The following ARHGEF38 variants were observed in gnomAD, a reference collection of about 807,000 sequenced individuals.
ARHGEF38 encodes the protein Rho guanine nucleotide exchange factor 38, also known as Rho guanine nucleotide exchange factor (GEF) 38.
ARHGEF38 carries 79 observed loss-of-function variants against 79.9 expected under a neutral mutation model. The observed-to-expected ratio is 0.99, with a 90% CI of 0.82 to 1.19. The LOEUF (loss-of-function observed/expected upper bound fraction) is 1.19, where lower values mean the gene tolerates loss of function less well. Ranked by LOEUF, ARHGEF38 falls within the 50% of genes most tolerant of loss-of-function variation. The pLI, the probability that ARHGEF38 is intolerant of heterozygous loss-of-function variation, is 0.00. For synonymous variants in ARHGEF38, 366 were observed against 328.3 expected (o/e 1.11, Z -1.24); for missense variants, 962 against 907.2 (o/e 1.06, Z -0.78).
At chr4:105,561,780 G>C (rs1282932358) in intron 1 of ARHGEF38, 13 of 152,112 alleles carry the variant, frequency 8.5e-5, no homozygotes, top group Non-Finnish European at 1.9e-4. Flanking sequence ...TGTGTCGTAG[G>C]AGGCTTTGTA....
Position 105,625,203 on chromosome 4 carries a change from C to T in ARHGEF38, c.509-5695C>T, listed in dbSNP as rs17035993. Among the ~76,000 whole-genome samples, 895 of 152,242 alleles carry T rather than the reference C, an allele frequency of 5.9e-3. 9 individuals are homozygous for T. Among genetic ancestry groups the T allele is most frequent in the African/African-American group, 0.021 (866 of 41,550 alleles). Reference sequence around the variant, plus strand: ...ACATCCAACTTTATATCCTCCATAACTAACAGTTCATGTCATATTTTCATA... The same window carrying T: ...ACATCCAACTTTATATCCTCCATAATTAACAGTTCATGTCATATTTTCATA... On this transcript the variant is annotated intron_variant, in intron 3 of 13. Transcript: ENST00000420470.
At chr4:105,658,014 T>C (rs1299450848) in intron 9 of ARHGEF38, among the ~76,000 whole-genome samples, 1 of 152,026 alleles carries the variant, frequency 6.6e-6, no homozygotes, top group South Asian at 2.1e-4. Flanking sequence ...AGAAGAGAAA[T>C]AGAAGAAATT....
intron 1 of ARHGEF38, among the ~76,000 whole-genome samples, chr4:105,554,132 A>G (rs1263455496): frequency 5.9e-5 from 9 of 151,974 alleles, no homozygotes; most frequent in African/African-American, 2.2e-4. Flanking sequence ...AATGAGGGAG[A>G]GCATTGTTTA....
intron 13 of ARHGEF38, among the ~76,000 whole-genome samples, chr4:105,673,030 T>A (rs1414944690): frequency 6.6e-6 from 1 of 152,186 alleles, no homozygotes; most frequent in African/African-American, 2.4e-5. Context: ...TATGAGTAGG[T>A]CAGGCCCATC....
Position 105,667,211 on chromosome 4 carries a change from G to T in ARHGEF38, c.1772G>T (p.Arg591Leu). ...GCAGAGGAACTCTATCAAGCTAAGC[G>T]CAAGTGCAATGCTACACAAGAATAT... ...YSAEELYQAKRKCNATQEYDI... is the reference protein window; with the variant it reads ...YSAEELYQAKLKCNATQEYDI... Residue 591 changes from arginine (R) to leucine (L), a missense_variant, in exon 12 of 14, where the codon CGC becomes CTC. Arg to Leu is a moderately radical substitution (Grantham distance 102, BLOSUM62 -2). Coordinates refer to ENST00000420470, the MANE Select transcript of ARHGEF38 (RefSeq NM_001242729.2). 2 of 1,536,116 alleles carry T rather than the reference G, an allele frequency of 1.3e-6. No individual in the cohort carries two copies. Among genetic ancestry groups the T allele is most frequent in the Non-Finnish European group, 1.7e-6 (2 of 1,146,914 alleles).
At chr4:105,632,440 T>C (rs1328351650) in intron 4 of ARHGEF38, among the ~76,000 whole-genome samples, 1 of 152,224 alleles carries the variant, frequency 6.6e-6, no homozygotes, top group Non-Finnish European at 1.5e-5. Context: ...TAATTATTTC[T>C]ATTTTCAGTT....
At chr4:105,570,987 A>C (rs1385757265) in intron 1 of ARHGEF38, among the ~76,000 whole-genome samples, 10 of 152,200 alleles carry the variant, frequency 6.6e-5, no homozygotes, top group Non-Finnish European at 1.3e-4. Context: ...ATAGAGACAA[A>C]AAGCAGAATG....
At chr4:105,681,765 G>A (rs1283181995), downstream of ARHGEF38, among the ~76,000 whole-genome samples, 1 of 152,094 alleles carries the variant, frequency 6.6e-6, no homozygotes, top group Non-Finnish European at 1.5e-5. Context: ...GCAACCTCTG[G>A]CATAAATGGG....
intron 2 of ARHGEF38, among the ~76,000 whole-genome samples, chr4:105,597,695 GC>G (rs1363018042): frequency 6.6e-6 from 1 of 152,142 alleles, no homozygotes; most frequent in Non-Finnish European, 1.5e-5. Flanking sequence ...ATTGCCTTAT[GC>G]CATTTATAAT....
chr4:105,563,789 G>C (rs1289372807), intron 1 of ARHGEF38, among the ~76,000 whole-genome samples: 1 of 152,140 alleles, frequency 6.6e-6, no homozygotes, highest in Non-Finnish European at 1.5e-5. Context: ...ACATTCATCG[G>C]CAATCTTGAA....
chr4:105,667,972 AC>A (rs932534202), intron 13 of ARHGEF38, among the ~76,000 whole-genome samples: 1 of 152,116 alleles, frequency 6.6e-6, no homozygotes, highest in African/African-American at 2.4e-5. Flanking sequence ...TACTATTACT[AC>A]CCTGCTGTTA....
chr4:105,645,342 G>A lies in ARHGEF38; in HGVS notation c.829G>A (p.Asp277Asn). Residue 277 changes from aspartate (D) to asparagine (N), a missense_variant, in exon 6 of 14, where the codon GAC becomes AAC. By Grantham distance (23) the Asp-to-Asn change is conservative. Transcript: ENST00000420470. The stretch of plus-strand genomic sequence containing the variant: ...GGACGATGCCTTTGCTGCTGTGAAG[G>A]ACATTAATGTTAACATCAATGAACT... ...ALDDAFAAVK[D>N]INVNINELKR... 2 of 1,531,292 alleles carry A rather than the reference G, an allele frequency of 1.3e-6. No individual in the cohort carries two copies. Among genetic ancestry groups the A allele is most frequent in the Non-Finnish European group, 1.7e-6 (2 of 1,145,816 alleles). The allele number at this position is 1,531,292 out of a possible 1,614,324, so 94.9% of individuals were successfully genotyped here. A position where few individuals can be genotyped will look rare whatever the true frequency, so the allele number is the denominator to read the frequency against.
chr4:105,663,709 C>T (rs1023762565), intron 10 of ARHGEF38, among the ~76,000 whole-genome samples: 1 of 152,236 alleles, frequency 6.6e-6, no homozygotes, highest in Non-Finnish European at 1.5e-5. Flanking sequence ...GTGGCTCACG[C>T]CTGTAATCCC....
rs1409415632 is a variant in ARHGEF38, at chr4:105,561,394, G to A, written c.196+8433G>A. On this transcript the variant is annotated intron_variant, in intron 1 of 13. Coordinates refer to ENST00000420470, the MANE Select transcript of ARHGEF38 (RefSeq NM_001242729.2). ...TCCAGCCTGGAGTCTCAAAAATAGAGTAGAATAATAGAATAGAATAGAATA... is the reference window on the plus strand; with the variant it reads ...TCCAGCCTGGAGTCTCAAAAATAGAATAGAATAATAGAATAGAATAGAATA... 3.4e-4 allele frequency among the ~76,000 whole-genome samples: 9 copies of A among 26,816 alleles called. 1 individual carries two copies. In the East Asian group the frequency reaches 8.0e-3, roughly 24 times the overall value. 17.6% of individuals were successfully genotyped at this position (26,816 alleles called of 152,430 possible).
At chr4:105,625,359 GC>G (rs1420096663) in intron 3 of ARHGEF38, among the ~76,000 whole-genome samples, 1 of 152,206 alleles carries the variant, frequency 6.6e-6, no homozygotes, top group East Asian at 1.9e-4. Flanking sequence ...ATTAAGTTCA[GC>G]TGGGAGAAAC....
chr4:105,623,529 G>A (rs953014960), intron 3 of ARHGEF38, among the ~76,000 whole-genome samples: 4 of 151,698 alleles, frequency 2.6e-5, no homozygotes, highest in Non-Finnish European at 5.9e-5. Flanking sequence ...TCCTGATCCA[G>A]CCAGCAAAAC....
chr4:105,561,458 TA>T (rs1725574009), intron 1 of ARHGEF38: 6 of 67,746 alleles, frequency 8.9e-5, no homozygotes, highest in African/African-American at 3.5e-4. Flanking sequence ...TGGAATAGAA[TA>T]GAATAGAATA....
intron 2 of ARHGEF38, among the ~76,000 whole-genome samples, chr4:105,608,845 T>A (rs1728167894): frequency 6.6e-6 from 1 of 152,018 alleles, no homozygotes; most frequent in Non-Finnish European, 1.5e-5. Flanking sequence ...GTTTTGCCCA[T>A]GTTTTAATGG....
At chr4:105,635,283 A>T (rs1245241775) in intron 4 of ARHGEF38, among the ~76,000 whole-genome samples, 1 of 152,148 alleles carries the variant, frequency 6.6e-6, no homozygotes, top group Non-Finnish European at 1.5e-5. Context: ...AATGATGAAC[A>T]AATAAAAAGA....
Sources: allele counts gnomAD v4.1 joint callset (sites outside exome capture counted in the v4.1 genomes callset), GRCh38; gene constraint gnomAD v4.1.1; transcripts MANE v1.5; gene names NCBI Gene and HGNC (gene_info 2026-07-23, HGNC 2026-07-21).